Variants in PSMA8 observed in about 807,000 individuals in gnomAD.
PSMA8 encodes proteasome 20S subunit alpha 8, also known as proteasome subunit alpha-type 8.
Under a neutral mutation model 32.4 loss-of-function variants are expected in PSMA8, and 18 were observed. The observed-to-expected ratio is 0.56, with a 90% CI of 0.38 to 0.82. The LOEUF (loss-of-function observed/expected upper bound fraction) is 0.82, where lower values mean the gene tolerates loss of function less well. Ranked by LOEUF, PSMA8 falls within the 40% of genes least tolerant of loss-of-function variation. The pLI is 0.00. For missense variants in PSMA8, 298 were observed against 300.7 expected (o/e 0.99, Z 0.07); for synonymous variants, 104 against 98.1 (o/e 1.06, Z -0.36).
intron 4 of PSMA8, among the ~76,000 whole-genome samples, chr18:26,158,665 A>G (rs558142616): frequency 5.9e-5 from 9 of 152,324 alleles, no homozygotes; most frequent in East Asian, 1.9e-4. Flanking sequence ...ACCCTAAACT[A>G]TGAATCTATA....
chr18:26,168,451 TG>T (rs1369898512), intron 4 of PSMA8, among the ~76,000 whole-genome samples: 2 of 118,788 alleles, frequency 1.7e-5, no homozygotes, highest in African/African-American at 9.3e-5. Context: ...TACTTCTTTC[TG>T]CCCTAGAATG....
chr18:26,137,034 G>A (rs2054916601), intron 1 of PSMA8, among the ~76,000 whole-genome samples: 1 of 152,164 alleles, frequency 6.6e-6, no homozygotes, highest in Non-Finnish European at 1.5e-5. Context: ...ATTGTAGCAT[G>A]AAATTTGTTC....
Position 26,193,112 on chromosome 18 carries a change from TTTTAG to T in PSMA8, c.*707_*711del, listed in dbSNP as rs1223871755. 4 of 152,298 alleles carry T rather than the reference TTTTAG, an allele frequency of 2.6e-5. No individual in the cohort carries two copies. In the East Asian group the frequency reaches 7.7e-4, roughly 29 times the overall value. The allele number at this position is 152,298 out of a possible 1,614,324, so 9.4% of individuals were successfully genotyped here. On this transcript the variant is annotated 3_prime_UTR_variant, in exon 7 of 7. Coordinates refer to ENST00000415576, the MANE Select transcript of PSMA8 (RefSeq NM_001025096.2). ...AAGGAAAGAAATTAATACATATCAC[TTTTAG>T]TTTAGATTTTTATTTTATCTCAAGT... is the stretch of plus-strand genomic sequence containing the variant.
intron 4 of PSMA8, among the ~76,000 whole-genome samples, chr18:26,173,244 T>C (rs2055238238): frequency 6.6e-6 from 1 of 152,204 alleles, no homozygotes; most frequent in African/African-American, 2.4e-5. Context: ...CACTGGCCTC[T>C]TTACTGTTCT....
chr18:26,154,101 C>A (rs2055067818), intron 3 of PSMA8, among the ~76,000 whole-genome samples: 1 of 152,044 alleles, frequency 6.6e-6, no homozygotes, highest in Non-Finnish European at 1.5e-5. Context: ...GATGTTTCAC[C>A]ATGTTGGCCA....
intron 6 of PSMA8, among the ~76,000 whole-genome samples, chr18:26,186,248 CAAAAAA>C (rs534639436): frequency 7.2e-5 from 2 of 27,828 alleles, no homozygotes; most frequent in African/African-American, 1.4e-4. Flanking sequence ...GACTCTGTCT[CAAAAAA>C]AAAAAAAAAA....
intron 4 of PSMA8, among the ~76,000 whole-genome samples, chr18:26,158,871 G>A (rs989899458): frequency 6.6e-6 from 1 of 152,108 alleles, no homozygotes; most frequent in African/African-American, 2.4e-5. Context: ...TACTTGGGAG[G>A]CTGAGACAGG....
At chr18:26,189,016 C>T (rs549101717) in intron 6 of PSMA8, among the ~76,000 whole-genome samples, 37 of 152,218 alleles carry the variant, frequency 2.4e-4, no homozygotes, top group African/African-American at 8.9e-4. Flanking sequence ...AGAACTTCTG[C>T]ACAGCAAAGG....
intron 4 of PSMA8, among the ~76,000 whole-genome samples, chr18:26,163,656 G>A (rs1280257383): frequency 6.6e-6 from 1 of 152,112 alleles, no homozygotes; most frequent in African/African-American, 2.4e-5. Flanking sequence ...TCAGAGGTAG[G>A]GGGCTAGATC....
intron 3 of PSMA8, among the ~76,000 whole-genome samples, chr18:26,156,743 T>C (rs2055092991): frequency 6.7e-6 from 1 of 149,166 alleles, no homozygotes; most frequent in Admixed American, 6.7e-5. Flanking sequence ...GTGCATATAT[T>C]GTATATAATA....
intron 2 of PSMA8, among the ~76,000 whole-genome samples, chr18:26,150,739 C>T (rs1452047046): frequency 6.6e-5 from 10 of 152,096 alleles, no homozygotes; most frequent in African/African-American, 9.7e-5. Flanking sequence ...ATTTTTTCCT[C>T]GAATCAATTA....
chr18:26,150,445 C>G (rs2055036620), intron 2 of PSMA8, among the ~76,000 whole-genome samples: 1 of 152,000 alleles, frequency 6.6e-6, no homozygotes, highest in Admixed American at 6.6e-5. Flanking sequence ...TCAAGCAATC[C>G]CCCCGCCGCA....
intron 1 of PSMA8, among the ~76,000 whole-genome samples, chr18:26,142,491 C>A (rs746599172): frequency 4.6e-5 from 7 of 152,030 alleles, no homozygotes; most frequent in Non-Finnish European, 7.4e-5. Context: ...CAATAGTCAC[C>A]CTACTTGTAT....
At chr18:26,155,774 C>T (rs1056064387) in intron 3 of PSMA8, among the ~76,000 whole-genome samples, 2 of 152,114 alleles carry the variant, frequency 1.3e-5, no homozygotes, top group African/African-American at 4.8e-5. Flanking sequence ...TTTAAAAGCA[C>T]AGGCACCAAA....
intron 3 of PSMA8, among the ~76,000 whole-genome samples, chr18:26,156,690 T>C (rs1005069745): frequency 3.4e-5 from 5 of 147,862 alleles, no homozygotes; most frequent in Non-Finnish European, 6.0e-5. Context: ...ATATTTTATA[T>C]ATATTATATA....
chr18:26,153,530 C>T (rs990469385), intron 3 of PSMA8, among the ~76,000 whole-genome samples: 3 of 152,128 alleles, frequency 2.0e-5, no homozygotes, highest in Non-Finnish European at 4.4e-5. Context: ...AAATAAGTAT[C>T]ACACAGTACT....
chr18:26,171,913 A>G (rs2055225052), intron 4 of PSMA8, among the ~76,000 whole-genome samples: 1 of 152,264 alleles, frequency 6.6e-6, no homozygotes, highest in Non-Finnish European at 1.5e-5. Context: ...CAGCATGAGT[A>G]TCAGCATATT....
In PSMA8 at chr18:26,175,255, C is replaced by T. The variant is rs2055254644; in HGVS notation, c.478-3575C>T. Among the ~76,000 whole-genome samples, 6 of 152,236 alleles carry T rather than the reference C, an allele frequency of 3.9e-5. No individual in the cohort carries two copies. In the South Asian group the frequency reaches 1.2e-3, roughly 32 times the overall value. On this transcript the variant is annotated intron_variant, in intron 4 of 6. Coordinates refer to ENST00000415576, the MANE Select transcript of PSMA8 (RefSeq NM_001025096.2). ...TTGCACTTGTTAGCAGAGACCTTGT[C>T]CTTCCTTAGGGTCACATAGCCTCAT...
At position 26,178,917 on chromosome 18, in the gene PSMA8, G is replaced by A. The variant is rs772810047; in HGVS notation, c.565G>A (p.Ala189Thr). ...TEDAIASDSE[A>T]IKLAIKALLE... Reference sequence around the variant, plus strand: ...AGATGCCATAGCAAGTGACAGTGAAGCTATCAAGTTAGCAATAAAAGCTTT... The same window carrying A: ...AGATGCCATAGCAAGTGACAGTGAAACTATCAAGTTAGCAATAAAAGCTTT... Residue 189 changes from alanine to threonine, a missense_variant, in exon 5 of 7, where the codon GCT becomes ACT. Transcript: ENST00000415576. 1.1e-5 allele frequency: 17 copies of A among 1,613,458 alleles called. No homozygotes were observed. The highest frequency in any genetic ancestry group is 1.3e-5 in the African/African-American group (1 of 74,928).
Sources: gnomAD v4.1 joint callset for allele counts (sites outside exome capture counted in the v4.1 genomes callset) on GRCh38, gnomAD v4.1.1 for gene constraint, MANE v1.5 for transcripts, NCBI Gene and HGNC (gene_info 2026-07-23, HGNC 2026-07-21) for gene names.